Variants in MYBPC3 observed in about 807,000 individuals in gnomAD.
MYBPC3 encodes myosin-binding protein C, cardiac-type.
A neutral mutation model predicts 159.3 loss-of-function variants in MYBPC3; 108 were observed. The observed-to-expected ratio is 0.68, with a 90% confidence interval of 0.58 to 0.80. The LOEUF (loss-of-function observed/expected upper bound fraction) is 0.80, where lower values mean the gene tolerates loss of function less well. Ranked by LOEUF, MYBPC3 falls within the 30% of genes least tolerant of loss-of-function variation. MYBPC3 has a pLI of 0.00. For missense variants in MYBPC3, 1,631 were observed against 1,762.1 expected (o/e 0.93, Z 1.33); for synonymous variants, 730 against 702.0 (o/e 1.04, Z -0.63).
At chr11:47,352,016 C>G (rs2095901465) in intron 1 of MYBPC3, among the ~76,000 whole-genome samples, 1 of 152,004 alleles carries the variant, frequency 6.6e-6, no homozygotes, top group Admixed American at 6.5e-5. Context: ...CAGCCCAGGC[C>G]CAGGTCCCTG....
chr11:47,331,596 G>A lies in MYBPC3; in HGVS notation c.*147C>T. Reference sequence around the variant, plus strand: ...ACCCACTCAGGACTGCCCGACAACTGCCCTGCTGATCCCCCATCGCAGCAC... The same window carrying A: ...ACCCACTCAGGACTGCCCGACAACTACCCTGCTGATCCCCCATCGCAGCAC... On this transcript the variant is annotated 3_prime_UTR_variant, in exon 35 of 35. Transcript: ENST00000545968. 1 of 502,576 alleles carries A rather than the reference G, an allele frequency of 2.0e-6. No homozygotes were observed. The highest frequency in any genetic ancestry group is 3.6e-6 in the Non-Finnish European group (1 of 278,730). The allele number at this position is 502,576 out of a possible 1,614,324, so 31.1% of individuals were successfully genotyped here. A position where few individuals can be genotyped will look rare whatever the true frequency, so the allele number is the denominator to read the frequency against.
In MYBPC3 at chr11:47,342,831, A is replaced by C. The variant is rs397515902; in HGVS notation, c.1456T>G (p.Trp486Gly). 6.2e-7 allele frequency: 1 copy of C among 1,612,418 alleles called. No individual in the cohort carries two copies. Among genetic ancestry groups the C allele is most frequent in the Non-Finnish European group, 8.5e-7 (1 of 1,179,030 alleles). Residue 486 changes from tryptophan to glycine, a missense_variant and splice_region_variant, in exon 16 of 35, where the codon TGG (tryptophan) becomes GGG (glycine). By Grantham distance (184) the Trp-to-Gly change is radical (BLOSUM62 -2). Coordinates refer to ENST00000545968, the MANE Select transcript of MYBPC3 (RefSeq NM_000256.3). Reference sequence around the variant, plus strand: ...ATGCCCCGTGCTTCTGGAACTCACCATTTGACTTGCGCCCCCTCCTCCGAT... The same window carrying C: ...ATGCCCCGTGCTTCTGGAACTCACCCTTTGACTTGCGCCCCCTCCTCCGAT... Reference protein sequence around the residue: ...EVSEEGAQVKWLKDGVELTRE... With the variant: ...EVSEEGAQVKGLKDGVELTRE...
At chr11:47,331,789 A>G in intron 34 of MYBPC3, 56 bp downstream of exon 34, 1 of 1,532,002 alleles carries the variant, frequency 6.5e-7, no homozygotes, top group Non-Finnish European at 8.9e-7. Flanking sequence ...CTGCCCCAGG[A>G]CCAAGGGCCA....
Position 47,351,375 on chromosome 11 carries a change from G to T in MYBPC3, c.156C>A (p.Ser52Arg). Residue 52 changes from serine to arginine, a missense_variant, in exon 2 of 35, where the codon AGC (serine) becomes AGA (arginine). By Grantham distance (110) the Ser-to-Arg change is moderately radical. Transcript: ENST00000545968. The surrounding 1 kb of genome is among the most constrained non-coding windows in gnomAD (Gnocchi z 4.2). ...CCTCTGTGGCCAGGCCGTACTTGTT[G>T]CTGGCGCTGATGTCACTGCCTCCGC... ...WQRGGSDISA[S>R]NKYGLATEGT... 1 of 1,608,488 alleles carries T rather than the reference G, an allele frequency of 6.2e-7. No individual in the cohort carries two copies. Among genetic ancestry groups the T allele is most frequent in the East Asian group, 2.2e-5 (1 of 44,622 alleles).
rs11570110 is a variant in MYBPC3, at chr11:47,334,489, G to C, written c.2906-479C>G. Among the ~76,000 whole-genome samples, 179 of 152,314 alleles carry C rather than the reference G, an allele frequency of 1.2e-3. No homozygotes were observed. In the Middle Eastern group the frequency reaches 0.024, roughly 20 times the overall value. On this transcript the variant is annotated intron_variant, in intron 27 of 34. Coordinates refer to ENST00000545968, the MANE Select transcript of MYBPC3 (RefSeq NM_000256.3). ...GGAGCTGAGACACTCCTGGAAGAGAGCTTGGGTACTGTGGCTTTTACTTTC... is the reference window on the plus strand; with the variant it reads ...GGAGCTGAGACACTCCTGGAAGAGACCTTGGGTACTGTGGCTTTTACTTTC...
intron 9 of MYBPC3, 113 bp downstream of exon 9, chr11:47,347,313 C>T: frequency 1.3e-6 from 2 of 1,529,078 alleles, no homozygotes; most frequent in South Asian, 1.2e-5. Context: ...ACAAGGAAAC[C>T]AACTCAGAGA....
rs768846720 is a variant in MYBPC3 at position 47,346,399 on chromosome 11, G to A, written c.927-29C>T. 15 of 1,530,906 alleles carry A rather than the reference G, an allele frequency of 9.8e-6. No individual in the cohort carries two copies. Among genetic ancestry groups the A allele is most frequent in the Non-Finnish European group, 1.3e-5 (15 of 1,134,058 alleles). 94.8% of individuals were successfully genotyped at this position (1,530,906 alleles called of 1,614,324 possible). A position where few individuals can be genotyped will look rare whatever the true frequency, so the allele number is the denominator to read the frequency against. ...TGTCCCGCAGTCTAGGCTGTGGCCG[G>A]GGGCAAGACTGCAGCCCCCTGGGCG... is the stretch of plus-strand genomic sequence containing the variant. On this transcript the variant is annotated intron_variant, in intron 11 of 34. Transcript: ENST00000545968. The surrounding 1 kb of genome is among the most constrained non-coding windows in gnomAD (Gnocchi z 5.3).
At position 47,343,666 on chromosome 11, in the gene MYBPC3, C is replaced by A. The variant is rs2095891545; in HGVS notation, c.1091-42G>T. On this transcript the variant is annotated intron_variant, in intron 12 of 34. Coordinates refer to ENST00000545968, the MANE Select transcript of MYBPC3 (RefSeq NM_000256.3). ...AGCCCCGGCCACCCCACCGCCCGCA[C>A]CCTGCTCCCCCAGGCCAAGCTACTG... 3.2e-6 allele frequency: 5 copies of A among 1,546,852 alleles called. No individual in the cohort carries two copies. The East Asian group carries it at 1.2e-4, about 36-fold the overall frequency.
intron 20 of MYBPC3, 149 bp from the exon 21 acceptor site, chr11:47,339,939 G>C (rs916940046): frequency 1.2e-6 from 1 of 810,140 alleles, no homozygotes; most frequent in Non-Finnish European, 1.9e-6. Flanking sequence ...CTGACAGTAG[G>C]CTGAGTTCTG....
At chr11:47,347,740 C>T in intron 7 of MYBPC3, 60 bp from the exon 8 acceptor site, 1 of 1,550,322 alleles carries the variant, frequency 6.5e-7, no homozygotes, top group South Asian at 1.2e-5. Context: ...CCCTGCAGCC[C>T]CCACTGACTT....
At chr11:47,348,284 CTG>C (rs1430303017) in intron 6 of MYBPC3, 138 bp downstream of exon 6, 2 of 674,272 alleles carry the variant, frequency 3.0e-6, no homozygotes, top group Admixed American at 2.7e-5. Flanking sequence ...CTCTCACACC[CTG>C]TGTGTGCAGC....
Position 47,340,993 on chromosome 11 carries a change from C to A in MYBPC3, c.1927+10G>T, listed in dbSNP as rs780505387. The A allele has an allele frequency of 2.6e-6, 4 of 1,559,378 alleles. No homozygotes were observed. Among genetic ancestry groups the A allele is most frequent in the East Asian group, 2.4e-5 (1 of 42,152 alleles). On this transcript the variant is annotated intron_variant, in intron 20 of 34. Transcript: ENST00000545968. Reference sequence around the variant, plus strand: ...GAGCAGAACCAAGACTCAGGGGCCCCAAGACTTACCCTGCCTGGGTACGAA... The same window carrying A: ...GAGCAGAACCAAGACTCAGGGGCCCAAAGACTTACCCTGCCTGGGTACGAA...
At chr11:47,339,558 A>C in intron 21 of MYBPC3, 93 bp downstream of exon 21, 6 of 1,488,540 alleles carry the variant, frequency 4.0e-6, no homozygotes, top group Non-Finnish European at 5.5e-6. Context: ...CAGGGCGTGC[A>C]CATGTGGGTG....
rs1026034549 is a variant in MYBPC3 at position 47,348,030 on chromosome 11, A to G, written c.773-125T>C. The G allele has an allele frequency of 3.1e-6, 3 of 954,816 alleles. No individual in the cohort carries two copies. In the African/African-American group the frequency reaches 4.9e-5, roughly 16 times the overall value. The allele number at this position is 954,816 out of a possible 1,614,324, so 59.1% of individuals were successfully genotyped here. ...CATTCATGACCCCATGAGGCTGGGC[A>G]TCTGCCCCAGGATCTCACCTTCCCA... is the stretch of plus-strand genomic sequence containing the variant. On this transcript the variant is annotated intron_variant, in intron 6 of 34. Coordinates refer to ENST00000545968, the MANE Select transcript of MYBPC3 (RefSeq NM_000256.3).
Position 47,350,120 on chromosome 11 carries a change from C to G in MYBPC3, c.407-8G>C. The G allele has an allele frequency of 6.4e-7, 1 of 1,551,712 alleles. No homozygotes were observed. The highest frequency in any genetic ancestry group is 2.4e-5 in the East Asian group (1 of 40,996). On this transcript the variant is annotated splice_polypyrimidine_tract_variant and splice_region_variant and intron_variant, in intron 3 of 34. Coordinates refer to ENST00000545968, the MANE Select transcript of MYBPC3 (RefSeq NM_000256.3). The stretch of plus-strand genomic sequence containing the variant: ...GAGCTGCTGAGCTTGACCCTGTGAG[C>G]AAAGGCTTTTTCTGTTTGTTTGAGA...
At chr11:47,335,578 T>C (rs1380055235) in intron 26 of MYBPC3, 8 of 311,080 alleles carry the variant, frequency 2.6e-5, no homozygotes, top group East Asian at 1.8e-4. Context: ...CCGCCCACCT[T>C]GGCCTCCCAA....
At chr11:47,331,772 C>G in intron 34 of MYBPC3, 56 bp from the exon 35 acceptor site, 1 of 1,477,588 alleles carries the variant, frequency 6.8e-7, no homozygotes, top group Admixed American at 2.0e-5. Context: ...CTCCCATTTA[C>G]TGATGGCTGC....
chr11:47,332,075 G>A lies in MYBPC3; in HGVS notation c.3811C>T (p.Arg1271Ter), dbSNP rs397516042. ...EARCECRLEV[R>*]VPQ ...CCTGGCCCCGAGGGCTCCTCACCTC[G>A]CACCTCCAGGCGGCACTCACACCGT... Residue 1271 changes from arginine to a stop codon, truncating the protein, a stop_gained, in exon 33 of 35, where the codon CGA becomes TGA. Transcript: ENST00000545968. LOFTEE classifies it high-confidence loss of function. This position sits in a 1 kb window ranked among gnomAD's most constrained non-coding sequence, Gnocchi z 4.2. The A allele has an allele frequency of 7.5e-6, 12 of 1,607,694 alleles. No individual in the cohort carries two copies. Among genetic ancestry groups the A allele is most frequent in the Middle Eastern group, 1.7e-4 (1 of 5,964 alleles).
intron 22 of MYBPC3, 53 bp downstream of exon 22, chr11:47,339,271 G>A (rs1397300085): frequency 1.9e-6 from 3 of 1,587,798 alleles, no homozygotes; most frequent in East Asian, 4.5e-5. Context: ...CACCACGTAG[G>A]TAGAAAGTGA....
Sources: gnomAD v4.1 joint callset for allele counts (sites outside exome capture counted in the v4.1 genomes callset) on GRCh38, gnomAD v4.1.1 for gene constraint, Gnocchi (gnomAD v3.1) non-coding constraint, MANE v1.5 for transcripts, NCBI Gene and HGNC (gene_info 2026-07-23, HGNC 2026-07-21) for gene names.